Variants in RHBDL3 observed in about 807,000 individuals in gnomAD.
The protein encoded by RHBDL3 is rhomboid-related protein 3.
Under a neutral mutation model 48.2 loss-of-function variants are expected in RHBDL3, and 28 were observed. The observed-to-expected ratio is 0.58, with a 90% CI of 0.43 to 0.80. The LOEUF is 0.80. Among genes scored for constraint, RHBDL3 ranks in the 30% least tolerant of loss-of-function variants. The pLI is 0.00. For synonymous variants in RHBDL3, 208 were observed against 232.3 expected (o/e 0.90, Z 0.95); for missense variants, 464 against 542.7 (o/e 0.85, Z 1.44).
chr17:32,276,811 GCACAGTACTCCGGCCCTAGCACCT>G (rs1567763656), intron 2 of RHBDL3, among the ~76,000 whole-genome samples: 112 of 97,446 alleles, frequency 1.1e-3, no homozygotes, highest in African/African-American at 4.1e-3. Context: ...TCCGGCCCTA[GCACAGTACTCCGGCCCTAGCACCT>G]TACTCCGGCC....
At chr17:32,302,646 G>T (rs2040613793) in intron 6 of RHBDL3, among the ~76,000 whole-genome samples, 1 of 152,072 alleles carries the variant, frequency 6.6e-6, no homozygotes, top group Non-Finnish European at 1.5e-5. Flanking sequence ...CTCCCAAAGT[G>T]CTGGGATTAC....
intron 7 of RHBDL3, among the ~76,000 whole-genome samples, chr17:32,315,323 C>T (rs2040945703): frequency 6.6e-6 from 1 of 152,218 alleles, no homozygotes; most frequent in African/African-American, 2.4e-5. Context: ...TCTGTGCACG[C>T]GCACCTCTGT....
At chr17:32,314,370 G>A (rs1442435082) in intron 7 of RHBDL3, among the ~76,000 whole-genome samples, 1 of 151,946 alleles carries the variant, frequency 6.6e-6, no homozygotes, top group Non-Finnish European at 1.5e-5. Flanking sequence ...ATGAACATGG[G>A]TATCGCTTTT....
At chr17:32,301,898 T>A (rs1382472834) in intron 6 of RHBDL3, among the ~76,000 whole-genome samples, 1 of 152,248 alleles carries the variant, frequency 6.6e-6, no homozygotes. Flanking sequence ...TATTTGGATT[T>A]TTTTTAAGGC....
At chr17:32,278,777 G>A (rs2039973582) in intron 2 of RHBDL3, among the ~76,000 whole-genome samples, 1 of 152,054 alleles carries the variant, frequency 6.6e-6, no homozygotes. Flanking sequence ...TAAATAGGGG[G>A]GACCACTCTC....
intron 8 of RHBDL3, among the ~76,000 whole-genome samples, 200 bp from the exon 9 acceptor site, chr17:32,320,758 A>T (rs2041108032): frequency 6.6e-6 from 1 of 152,200 alleles, no homozygotes; most frequent in East Asian, 1.9e-4. Flanking sequence ...CATGTATGTA[A>T]TTGCTTACTG....
chr17:32,311,620 G>A (rs1288516994), intron 7 of RHBDL3, among the ~76,000 whole-genome samples: 1 of 152,140 alleles, frequency 6.6e-6, no homozygotes, highest in Non-Finnish European at 1.5e-5. Flanking sequence ...GGATGGACTG[G>A]ATCAGCTTGG....
intron 3 of RHBDL3, among the ~76,000 whole-genome samples, chr17:32,286,475 G>A (rs2040201363): frequency 6.6e-6 from 1 of 152,124 alleles, no homozygotes; most frequent in Non-Finnish European, 1.5e-5. Flanking sequence ...TCCTGGTCTG[G>A]CTCTGCCTCT....
At chr17:32,269,659 C>T (rs1422397974) in intron 2 of RHBDL3, among the ~76,000 whole-genome samples, 3 of 152,208 alleles carry the variant, frequency 2.0e-5, no homozygotes, top group African/African-American at 4.8e-5. Context: ...GGAGGGAGCC[C>T]GCTGCGCCAC....
intron 6 of RHBDL3, among the ~76,000 whole-genome samples, chr17:32,304,165 G>A (rs777636351): frequency 6.6e-6 from 1 of 152,042 alleles, no homozygotes; most frequent in Admixed American, 6.5e-5. Context: ...ACCAAGCCTC[G>A]CATACCCTTC....
chr17:32,266,196 G>A lies in RHBDL3; in HGVS notation c.7G>A (p.Glu3Lys). 7.8e-7 allele frequency: 1 copy of A among 1,289,690 alleles called. No individual in the cohort carries two copies. Among genetic ancestry groups the A allele is most frequent in the Non-Finnish European group, 9.8e-7 (1 of 1,017,838 alleles). The allele number at this position is 1,289,690 out of a possible 1,614,324, so 79.9% of individuals were successfully genotyped here. A position where few individuals can be genotyped will look rare whatever the true frequency, so the allele number is the denominator to read the frequency against. ...CCCGGACCCCGTCTCGGCCATGGGC[G>A]AGCACCCCAGCCCGGGCCCCGCGGT... MG[E>K]HPSPGPAVAA... The change falls in exon 1 of 9, where the codon GAG (glutamate) becomes AAG (lysine). Residue 3 changes from glutamate (E) to lysine (K), a missense_variant. Glu to Lys is a moderately conservative substitution (Grantham distance 56). Coordinates refer to ENST00000269051, the MANE Select transcript of RHBDL3 (RefSeq NM_138328.3).
chr17:32,320,108 A>C (rs2041087721), intron 8 of RHBDL3, among the ~76,000 whole-genome samples: 2 of 151,912 alleles, frequency 1.3e-5, no homozygotes, highest in Non-Finnish European at 2.9e-5. Context: ...TCTCTACAAA[A>C]AAAAAAATTT....
At chr17:32,287,034 C>A (rs552919476) in intron 3 of RHBDL3, among the ~76,000 whole-genome samples, 1 of 152,232 alleles carries the variant, frequency 6.6e-6, no homozygotes, top group Admixed American at 6.5e-5. Flanking sequence ...CCTCTCCAAG[C>A]TTCAGTCCCC....
intron 2 of RHBDL3, chr17:32,280,892 A>G (rs532266781): frequency 8.5e-5 from 13 of 152,900 alleles, no homozygotes; most frequent in African/African-American, 2.9e-4. Flanking sequence ...CCCACGCCCC[A>G]TACCCAATGT....
At chr17:32,272,341 CT>C (rs2039791383) in intron 2 of RHBDL3, among the ~76,000 whole-genome samples, 1 of 152,328 alleles carries the variant, frequency 6.6e-6, no homozygotes, top group South Asian at 2.1e-4. Context: ...CTTGGCCTGA[CT>C]TCATTTGTAG....
In RHBDL3 at chr17:32,298,095, A is replaced by G; in HGVS notation, c.672A>G (p.Ile224Met). ...YLTYIFMHAGIEHLGLNVVLQ... is the reference protein window; with the variant it reads ...YLTYIFMHAGMEHLGLNVVLQ... Reference sequence around the variant, plus strand: ...GAGTGTGGTCTCTCTGTCACAGGATAGAACACCTGGGACTCAATGTGGTGC... The same window carrying G: ...GAGTGTGGTCTCTCTGTCACAGGATGGAACACCTGGGACTCAATGTGGTGC... Residue 224 changes from isoleucine to methionine, a missense_variant, in exon 6 of 9, where the codon ATA becomes ATG. By Grantham distance (10) the Ile-to-Met change is conservative. Coordinates refer to ENST00000269051, the MANE Select transcript of RHBDL3 (RefSeq NM_138328.3). 6.2e-7 allele frequency: 1 copy of G among 1,607,306 alleles called. No individual in the cohort carries two copies. Among genetic ancestry groups the G allele is most frequent in the Non-Finnish European group, 8.5e-7 (1 of 1,173,968 alleles).
intron 2 of RHBDL3, among the ~76,000 whole-genome samples, chr17:32,282,148 C>T (rs2040068012): frequency 6.6e-6 from 1 of 152,178 alleles, no homozygotes; most frequent in South Asian, 2.1e-4. Flanking sequence ...TGTTTTTATT[C>T]TTCAAGATCT....
chr17:32,285,862 A>G (rs1286331454), intron 3 of RHBDL3, among the ~76,000 whole-genome samples: 1 of 152,176 alleles, frequency 6.6e-6, no homozygotes. Context: ...ATTGTGCCAC[A>G]TGAGCGCTCT....
chr17:32,274,494 C>T (rs774493061), intron 2 of RHBDL3, among the ~76,000 whole-genome samples: 5 of 152,202 alleles, frequency 3.3e-5, no homozygotes, highest in Non-Finnish European at 7.3e-5. Flanking sequence ...CATTGAATGT[C>T]TAACTGCATG....
Sources: allele counts gnomAD v4.1 joint callset (sites outside exome capture counted in the v4.1 genomes callset), GRCh38; gene constraint gnomAD v4.1.1; transcripts MANE v1.5; gene names NCBI Gene and HGNC (gene_info 2026-07-23, HGNC 2026-07-21).